The following RTN1 variants were observed in gnomAD, a reference collection of about 807,000 sequenced individuals.
The protein encoded by RTN1 is reticulon 1, also known as reticulon-1.
Under a neutral mutation model 65.5 loss-of-function variants are expected in RTN1, and 25 were observed. That is an observed-to-expected ratio of 0.38 (90% CI 0.28 to 0.53). RTN1 has a LOEUF of 0.53. RTN1 is among the 20% of genes least tolerant of loss of function. The pLI is 0.79. For missense variants in RTN1, 983 were observed against 1,025.4 expected, an observed-to-expected ratio of 0.96 and a Z score of 0.57; for synonymous variants, 471 against 447.6, an observed-to-expected ratio of 1.05 and a Z score of -0.66.
At chr14:59,634,908 G>A (rs951606348) in intron 3 of RTN1, among the ~76,000 whole-genome samples, 5 of 152,278 alleles carry the variant, frequency 3.3e-5, no homozygotes, top group Admixed American at 3.3e-4. Context: ...TTACAGAAAT[G>A]TGCAGGGGCT....
At chr14:59,757,530 T>C (rs1885664482) in intron 1 of RTN1, among the ~76,000 whole-genome samples, 1 of 152,210 alleles carries the variant, frequency 6.6e-6, no homozygotes, top group Non-Finnish European at 1.5e-5. Flanking sequence ...ATTAAACCTC[T>C]TTCCTTTATA....
intron 3 of RTN1, among the ~76,000 whole-genome samples, chr14:59,654,790 C>T (rs1883090528): frequency 6.6e-6 from 1 of 152,088 alleles, no homozygotes; most frequent in Admixed American, 6.6e-5. Context: ...GTATTAAACA[C>T]TAAGAACAGT....
chr14:59,769,653 G>C (rs540732674), intron 1 of RTN1, among the ~76,000 whole-genome samples: 1 of 152,188 alleles, frequency 6.6e-6, no homozygotes, highest in Non-Finnish European at 1.5e-5. Context: ...ACAGAATTAA[G>C]ATAAAAAGGG....
At chr14:59,626,405 C>T (rs775949863) in intron 3 of RTN1, among the ~76,000 whole-genome samples, 7 of 152,306 alleles carry the variant, frequency 4.6e-5, no homozygotes, top group Middle Eastern at 3.4e-3. Context: ...AATGCTGCCA[C>T]GCAGAGTAAA....
At chr14:59,779,846 T>TCC (rs956235938) in intron 1 of RTN1, among the ~76,000 whole-genome samples, 1 of 151,824 alleles carries the variant, frequency 6.6e-6, no homozygotes, top group Non-Finnish European at 1.5e-5. Flanking sequence ...CTTTTCTTCC[T>TCC]CCCCCCACTT....
intron 1 of RTN1, among the ~76,000 whole-genome samples, chr14:59,754,811 T>C (rs375977285): frequency 9.2e-5 from 14 of 152,168 alleles, no homozygotes; most frequent in African/African-American, 2.9e-4. Context: ...AGGAGTTTCA[T>C]GTATCCAGCC....
At chr14:59,683,339 C>T (rs2140223136) in intron 3 of RTN1, among the ~76,000 whole-genome samples, 1 of 152,078 alleles carries the variant, frequency 6.6e-6, no homozygotes, top group African/African-American at 2.4e-5. Flanking sequence ...ATGGAAAATA[C>T]ATTTTGCAGA....
rs570691223 is a variant in RTN1, at chr14:59,803,834, A to G, written c.242-57353T>C. 2.3e-4 allele frequency among the ~76,000 whole-genome samples: 35 copies of G among 152,184 alleles called. No homozygotes were observed. The highest frequency in any genetic ancestry group is 4.9e-4 in the Non-Finnish European group (33 of 68,038). ...AGATTCAGAAACCTGAGGCCACAGTATCCTATACTTAATTGTCTAAATGTG... is the reference window on the plus strand; with the variant it reads ...AGATTCAGAAACCTGAGGCCACAGTGTCCTATACTTAATTGTCTAAATGTG... On this transcript the variant is annotated intron_variant, in intron 1 of 8. Transcript: ENST00000267484. This position sits in a 1 kb window ranked among gnomAD's most constrained non-coding sequence, Gnocchi z 5.6.
intron 2 of RTN1, among the ~76,000 whole-genome samples, chr14:59,728,516 G>T (rs570558321): frequency 8.8e-4 from 134 of 152,136 alleles, no homozygotes; most frequent in Non-Finnish European, 1.6e-3. Flanking sequence ...GGCTACACTG[G>T]CAATCTTGCT....
intron 3 of RTN1, among the ~76,000 whole-genome samples, chr14:59,692,101 G>A (rs540183751): frequency 8.5e-4 from 129 of 152,162 alleles, no homozygotes; most frequent in African/African-American, 3.0e-3. Flanking sequence ...ACAAAAGAAA[G>A]AAATAAAAGA....
intron 1 of RTN1, among the ~76,000 whole-genome samples, chr14:59,819,443 CCG>C (rs1886894624): frequency 3.3e-4 from 17 of 51,724 alleles, no homozygotes; most frequent in South Asian, 1.0e-3. Flanking sequence ...CCCCCCCCCC[CCG>C]GCCACAGCTA....
At chr14:59,653,883 T>C (rs1883066980) in intron 3 of RTN1, among the ~76,000 whole-genome samples, 1 of 152,018 alleles carries the variant, frequency 6.6e-6, no homozygotes, top group Admixed American at 6.6e-5. Context: ...GAAAGAGGAA[T>C]TGAACAACAT....
intron 3 of RTN1, among the ~76,000 whole-genome samples, chr14:59,653,269 T>G (rs1416782749): frequency 6.6e-6 from 1 of 152,218 alleles, no homozygotes; most frequent in African/African-American, 2.4e-5. Context: ...ACATTCTGCA[T>G]GCTGAGACAA....
rs186929579 is a variant in RTN1, at chr14:59,614,508, G to A, written c.1766-7016C>T. 1.4e-4 allele frequency among the ~76,000 whole-genome samples: 21 copies of A among 152,280 alleles called. No individual in the cohort carries two copies. In the South Asian group the frequency reaches 2.7e-3, roughly 20 times the overall value. On this transcript the variant is annotated intron_variant, in intron 3 of 8. Transcript: ENST00000267484. ...TCAGAAAAATAGAAACTTTAATGCC[G>A]TTTTGTTCACGTGACTTTAGGAATC...
intron 2 of RTN1, among the ~76,000 whole-genome samples, chr14:59,739,557 T>C (rs76118602): frequency 3.4e-5 from 4 of 117,940 alleles, no homozygotes; most frequent in African/African-American, 1.4e-4. Context: ...AAAAAAAAAA[T>C]GGGAGGGAGG....
At chr14:59,789,119 C>T (rs980962523) in intron 1 of RTN1, among the ~76,000 whole-genome samples, 3 of 151,468 alleles carry the variant, frequency 2.0e-5, no homozygotes, top group Admixed American at 2.0e-4. Flanking sequence ...TTATTTATTT[C>T]TTTAGCTTAA....
intron 1 of RTN1, among the ~76,000 whole-genome samples, chr14:59,755,527 G>C (rs1234698380): frequency 6.6e-6 from 1 of 151,768 alleles, no homozygotes; most frequent in East Asian, 1.9e-4. Context: ...GCAGCAGCCT[G>C]CACAGAGGTT....
intron 3 of RTN1, among the ~76,000 whole-genome samples, chr14:59,632,525 A>C (rs953456593): frequency 6.6e-6 from 1 of 151,990 alleles, no homozygotes; most frequent in African/African-American, 2.4e-5. Flanking sequence ...TTGGAGGGAG[A>C]TCTTTAGAGC....
intron 1 of RTN1, among the ~76,000 whole-genome samples, chr14:59,841,705 A>T (rs1414313735): frequency 8.2e-5 from 9 of 110,238 alleles, no homozygotes; most frequent in Admixed American, 3.5e-4. Context: ...AGACTCCATT[A>T]AAAAAAAAAA....
Sources: gnomAD v4.1 joint callset for allele counts (sites outside exome capture counted in the v4.1 genomes callset) on GRCh38, gnomAD v4.1.1 for gene constraint, Gnocchi (gnomAD v3.1) non-coding constraint, MANE v1.5 for transcripts, NCBI Gene and HGNC (gene_info 2026-07-23, HGNC 2026-07-21) for gene names.